The following GRIK2 variants were observed in gnomAD, a reference collection of about 807,000 sequenced individuals.
The protein encoded by GRIK2 is glutamate receptor ionotropic, kainate 2.
Under a neutral mutation model 100.3 loss-of-function variants are expected in GRIK2, and 32 were observed. The observed-to-expected ratio is 0.32, with a 90% CI of 0.24 to 0.43. The LOEUF is 0.43. Among genes scored for constraint, GRIK2 ranks in the 20% least tolerant of loss-of-function variants. GRIK2 has a pLI of 1.00. For missense variants in GRIK2, 843 were observed against 1,114.9 expected (o/e 0.76, Z 3.47); for synonymous variants, 417 against 389.4 (o/e 1.07, Z -0.83).
chr6:101,960,048 G>GTTTTTTTTTTTTTTTTT (rs3029100), intron 14 of GRIK2, among the ~76,000 whole-genome samples: 3 of 118,264 alleles, frequency 2.5e-5, no homozygotes, highest in Admixed American at 8.5e-5. Context: ...TTTTTTTAGT[G>GTTTTTTTTTTTTTTTTT]TTTTGTTTTT....
In GRIK2 at chr6:101,705,063, A is replaced by G. The variant is rs1166075499; in HGVS notation, c.951+18710A>G. On this transcript the variant is annotated intron_variant, in intron 7 of 16. Coordinates refer to ENST00000369134, the MANE Select transcript of GRIK2 (RefSeq NM_021956.5). ...TATATTTATATATTTATGAATGTTA[A>G]AATGTAATATAGATTTTTGTAGAAT... 2.7e-5 allele frequency among the ~76,000 whole-genome samples: 4 copies of G among 148,156 alleles called. No individual in the cohort carries two copies. In the East Asian group the frequency reaches 7.8e-4, roughly 29 times the overall value.
In GRIK2 at chr6:101,867,210, A is replaced by G. The variant is rs139655455; in HGVS notation, c.1524+7717A>G. Among the ~76,000 whole-genome samples, 21 of 151,990 alleles carry G rather than the reference A, an allele frequency of 1.4e-4. No homozygotes were observed. The East Asian group carries it at 3.1e-3, about 22-fold the overall frequency. On this transcript the variant is annotated intron_variant, in intron 11 of 16. Coordinates refer to ENST00000369134, the MANE Select transcript of GRIK2 (RefSeq NM_021956.5). The stretch of plus-strand genomic sequence containing the variant: ...CTGAAGCAGTACCTCCCCCCAACAC[A>G]CCAAATTCTGCTACAACATGTATGC...
intron 4 of GRIK2, among the ~76,000 whole-genome samples, chr6:101,646,268 C>T (rs1318399520): frequency 6.6e-6 from 1 of 151,914 alleles, no homozygotes; most frequent in African/African-American, 2.4e-5. Context: ...TCTGACACAA[C>T]TACATCCCCT....
chr6:101,896,296 C>G (rs1253501173), intron 12 of GRIK2, among the ~76,000 whole-genome samples: 1 of 151,584 alleles, frequency 6.6e-6, no homozygotes, highest in South Asian at 2.1e-4. Context: ...CCATGTAGGA[C>G]AAAGAAGATA....
intron 10 of GRIK2, among the ~76,000 whole-genome samples, chr6:101,852,942 C>A (rs1562439825): frequency 6.6e-6 from 1 of 152,080 alleles, no homozygotes; most frequent in Non-Finnish European, 1.5e-5. Context: ...ACTTTGTGTA[C>A]CCCTGGGGAA....
At chr6:101,417,945 G>A (rs1175137797) in intron 2 of GRIK2, among the ~76,000 whole-genome samples, 3 of 152,180 alleles carry the variant, frequency 2.0e-5, no homozygotes, top group African/African-American at 4.8e-5. Flanking sequence ...GAAAATCTGG[G>A]TGTGGAAGAA....
At chr6:101,764,272 T>C (rs1455767679) in intron 7 of GRIK2, among the ~76,000 whole-genome samples, 4 of 152,142 alleles carry the variant, frequency 2.6e-5, no homozygotes, top group African/African-American at 9.7e-5. Flanking sequence ...AGCCATGAAC[T>C]CATGTACCAG....
At chr6:101,936,010 A>G (rs1250942961) in intron 14 of GRIK2, among the ~76,000 whole-genome samples, 3 of 152,098 alleles carry the variant, frequency 2.0e-5, no homozygotes, top group African/African-American at 7.2e-5. Flanking sequence ...TAGGACACAT[A>G]GAAACTTTAT....
intron 1 of GRIK2, among the ~76,000 whole-genome samples, chr6:101,396,090 G>C (rs995507308): frequency 6.6e-6 from 1 of 152,204 alleles, no homozygotes; most frequent in East Asian, 1.9e-4. Flanking sequence ...ACTGTGTAAG[G>C]AATTTATTAA....
At chr6:101,582,813 G>A (rs1386322495) in intron 2 of GRIK2, among the ~76,000 whole-genome samples, 5 of 152,124 alleles carry the variant, frequency 3.3e-5, no homozygotes, top group Admixed American at 3.3e-4. Context: ...ACAAATGGAA[G>A]CTTCTGTGTA....
chr6:101,973,999 C>T (rs193033039), intron 14 of GRIK2, among the ~76,000 whole-genome samples: 8 of 151,656 alleles, frequency 5.3e-5, no homozygotes, highest in African/African-American at 1.2e-4. Context: ...TTATATGACT[C>T]GTACAATTGG....
intron 11 of GRIK2, among the ~76,000 whole-genome samples, chr6:101,867,203 C>G (rs558083578): frequency 4.0e-5 from 6 of 151,860 alleles, no homozygotes; most frequent in East Asian, 1.9e-4. Flanking sequence ...GTACCTCCCC[C>G]CAACACACCA....
chr6:101,682,484 C>A, intron 5 of GRIK2, 69 bp from the exon 6 acceptor site: 1 of 753,274 alleles, frequency 1.3e-6, no homozygotes, highest in South Asian at 1.5e-5. Context: ...ATATTTTGTT[C>A]TCACTTGAAT....
At chr6:101,775,573 C>T (rs1778692932) in intron 7 of GRIK2, among the ~76,000 whole-genome samples, 1 of 149,912 alleles carries the variant, frequency 6.7e-6, no homozygotes, top group African/African-American at 2.5e-5. Context: ...CACACACACA[C>T]ATTACTGTAT....
chr6:101,971,590 G>A (rs888436376), intron 14 of GRIK2, among the ~76,000 whole-genome samples: 5 of 151,842 alleles, frequency 3.3e-5, no homozygotes, highest in African/African-American at 1.2e-4. Flanking sequence ...TAGATACAGA[G>A]GACACGTGCA....
intron 14 of GRIK2, among the ~76,000 whole-genome samples, chr6:101,933,164 C>A (rs1444536071): frequency 6.6e-6 from 1 of 151,858 alleles, no homozygotes; most frequent in Non-Finnish European, 1.5e-5. Flanking sequence ...CTTAATTAAG[C>A]CTTGTGGCCA....
intron 5 of GRIK2, among the ~76,000 whole-genome samples, chr6:101,681,792 CT>C (rs1771275480): frequency 6.6e-6 from 1 of 152,076 alleles, no homozygotes; most frequent in South Asian, 2.1e-4. Flanking sequence ...ACTAAGAACT[CT>C]TCATTCAACT....
At chr6:102,053,692 A>G (rs1156548096) in intron 15 of GRIK2, among the ~76,000 whole-genome samples, 1 of 152,182 alleles carries the variant, frequency 6.6e-6, no homozygotes, top group Non-Finnish European at 1.5e-5. Flanking sequence ...GCATCTTTCT[A>G]TATCTGTTAG....
At chr6:101,507,832 G>C (rs1258927665) in intron 2 of GRIK2, among the ~76,000 whole-genome samples, 1 of 152,136 alleles carries the variant, frequency 6.6e-6, no homozygotes, top group Non-Finnish European at 1.5e-5. Flanking sequence ...GCTGATGTTG[G>C]GGAGAAAGTA....
Sources: allele counts gnomAD v4.1 joint callset (sites outside exome capture counted in the v4.1 genomes callset), GRCh38; gene constraint gnomAD v4.1.1; transcripts MANE v1.5; gene names NCBI Gene and HGNC (gene_info 2026-07-23, HGNC 2026-07-21).